Variants in CENPE observed in about 807,000 individuals in gnomAD.
CENPE encodes centromere protein E.
Under a neutral mutation model 336.1 loss-of-function variants are expected in CENPE, and 145 were observed. The observed-to-expected ratio is 0.43, with a 90% CI of 0.38 to 0.50. The LOEUF (loss-of-function observed/expected upper bound fraction) is 0.50, where lower values mean the gene tolerates loss of function less well. Among genes scored for constraint, CENPE ranks in the 20% least tolerant of loss-of-function variants. CENPE has a pLI of 0.00. For synonymous variants in CENPE, 1,013 were observed against 984.8 expected (o/e 1.03, Z -0.54); for missense variants, 2,719 against 3,023.3 (o/e 0.90, Z 2.36).
At chr4:103,120,542 G>T (rs1463216019) in intron 43 of CENPE, among the ~76,000 whole-genome samples, 1 of 152,118 alleles carries the variant, frequency 6.6e-6, no homozygotes, top group Non-Finnish European at 1.5e-5. Flanking sequence ...AATGTCAAAG[G>T]TTTATATTAT....
chr4:103,183,120 A>G (rs1756465051), intron 10 of CENPE, 81 bp downstream of exon 10: 4 of 1,035,462 alleles, frequency 3.9e-6, no homozygotes, highest in Non-Finnish European at 5.8e-6. Context: ...AGTACATTTG[A>G]GTGTCATCGA....
At chr4:103,142,393 A>G (rs147239074) in intron 34 of CENPE, among the ~76,000 whole-genome samples, 24 of 152,364 alleles carry the variant, frequency 1.6e-4, no homozygotes, top group Non-Finnish European at 2.1e-4. Flanking sequence ...TCTTGCCAAC[A>G]GTAGTACTTG....
intron 46 of CENPE, among the ~76,000 whole-genome samples, chr4:103,113,449 C>CATATTACTTATATATAATATATAACTTAT (rs1749764114): frequency 7.2e-6 from 1 of 138,136 alleles, no homozygotes; most frequent in Non-Finnish European, 1.5e-5. Flanking sequence ...ATATTACTTA[C>CATATTACTTATATATAATATATAACTTAT]ATATTACTTA....
chr4:103,185,762 TA>T, intron 9 of CENPE, 47 bp downstream of exon 9: 1 of 1,359,432 alleles, frequency 7.4e-7, no homozygotes, highest in Non-Finnish European at 1.0e-6. Context: ...TTTAAACCTG[TA>T]AAATAGGAAG....
In CENPE at chr4:103,174,868, A is replaced by G; in HGVS notation, c.1515T>C (p.Ala505=). The G allele has an allele frequency of 6.6e-7, 1 of 1,509,784 alleles. No individual in the cohort carries two copies. The allele number at this position is 1,509,784 out of a possible 1,614,324, so 93.5% of individuals were successfully genotyped here. A position where few individuals can be genotyped will look rare whatever the true frequency, so the allele number is the denominator to read the frequency against. Reference sequence around the variant, plus strand: ...AGTCTAATACCAGATTATCATAGTCAGCACGAAGTGAGTTCAACTCACTTT... The same window carrying G: ...AGTCTAATACCAGATTATCATAGTCGGCACGAAGTGAGTTCAACTCACTTT... ...NIESELNSLR[A]DYDNLVLDYE... The change falls in exon 16 of 49, where the codon GCT becomes GCC. Residue 505 remains alanine (A), a synonymous_variant. Coordinates refer to ENST00000265148, the MANE Select transcript of CENPE (RefSeq NM_001813.3).
chr4:103,198,067 C>T (rs1757874352), intron 1 of CENPE, among the ~76,000 whole-genome samples, 197 bp downstream of exon 1: 1 of 152,246 alleles, frequency 6.6e-6, no homozygotes, highest in Non-Finnish European at 1.5e-5. Flanking sequence ...AAGTGAATCT[C>T]GCAGCTGGAA....
At chr4:103,147,073 T>C (rs1753116635) in intron 29 of CENPE, among the ~76,000 whole-genome samples, 1 of 152,214 alleles carries the variant, frequency 6.6e-6, no homozygotes, top group Non-Finnish European at 1.5e-5. Context: ...CAATCTCATA[T>C]TTGGTTTCAC....
intron 5 of CENPE, 102 bp downstream of exon 5, chr4:103,195,012 T>G: frequency 9.6e-7 from 1 of 1,045,910 alleles, no homozygotes; most frequent in Non-Finnish European, 1.3e-6. Flanking sequence ...ACTATAGAAA[T>G]AGGAGACACT....
chr4:103,155,590 G>A (rs1354186408), intron 24 of CENPE, among the ~76,000 whole-genome samples: 1 of 152,176 alleles, frequency 6.6e-6, no homozygotes, highest in Admixed American at 6.5e-5. Context: ...TAGGATTACA[G>A]GCATAAGCCA....
chr4:103,122,726 C>A, intron 43 of CENPE, 145 bp downstream of exon 43: 1 of 618,344 alleles, frequency 1.6e-6, no homozygotes. Flanking sequence ...GAACGATAGC[C>A]ATAGTAGAAC....
At chr4:103,157,783 C>T (rs1754082099) in intron 24 of CENPE, among the ~76,000 whole-genome samples, 1 of 151,800 alleles carries the variant, frequency 6.6e-6, no homozygotes, top group African/African-American at 2.4e-5. Flanking sequence ...CTATTCCAAG[C>T]TATATATTTA....
intron 25 of CENPE, 54 bp from the exon 26 acceptor site, chr4:103,151,431 A>G (rs556097948): frequency 8.0e-5 from 105 of 1,307,228 alleles, no homozygotes; most frequent in Middle Eastern, 5.8e-4. Flanking sequence ...ACATTTATGA[A>G]ATCAGGTAAA....
At position 103,149,110 on chromosome 4, in the gene CENPE, T is replaced by C. The variant is rs1229898509; in HGVS notation, c.3687+8A>G. 3.8e-6 allele frequency: 6 copies of C among 1,584,144 alleles called. No individual in the cohort carries two copies. In the Admixed American group the frequency reaches 9.4e-5, roughly 25 times the overall value. Reference sequence around the variant, plus strand: ...ACTTAATAGATGAAGGAAAAGGGTATAACTTACTGTAGCTTCAATTTCTCT... The same window carrying C: ...ACTTAATAGATGAAGGAAAAGGGTACAACTTACTGTAGCTTCAATTTCTCT... On this transcript the variant is annotated splice_region_variant and intron_variant, in intron 27 of 48. Coordinates refer to ENST00000265148, the MANE Select transcript of CENPE (RefSeq NM_001813.3).
chr4:103,180,542 G>T, intron 12 of CENPE, 73 bp from the exon 13 acceptor site: 1 of 945,482 alleles, frequency 1.1e-6, no homozygotes, highest in Non-Finnish European at 1.5e-6. Flanking sequence ...TAGCATAAAA[G>T]AATAAAATAT....
chr4:103,175,217 C>T lies in CENPE; in HGVS notation c.1480-314G>A, dbSNP rs376428812. 3.9e-5 allele frequency among the ~76,000 whole-genome samples: 6 copies of T among 152,016 alleles called. 1 individual carries two copies. The South Asian group carries it at 1.2e-3, about 31-fold the overall frequency. On this transcript the variant is annotated intron_variant, in intron 15 of 48. Coordinates refer to ENST00000265148, the MANE Select transcript of CENPE (RefSeq NM_001813.3). Reference sequence around the variant, plus strand: ...CTCTTATTTTATGTCTCAGATGGTTCTGAATTCAAGAATGGAAACAGAGAT... The same window carrying T: ...CTCTTATTTTATGTCTCAGATGGTTTTGAATTCAAGAATGGAAACAGAGAT...
chr4:103,113,646 TTATAC>T (rs549963008), intron 46 of CENPE, among the ~76,000 whole-genome samples: 305 of 145,568 alleles, frequency 2.1e-3, no homozygotes, highest in African/African-American at 7.2e-3. Context: ...TATTATACAC[TTATAC>T]TATATATACT....
intron 42 of CENPE, among the ~76,000 whole-genome samples, chr4:103,131,893 A>G (rs906639728): frequency 6.6e-6 from 1 of 152,220 alleles, no homozygotes; most frequent in Non-Finnish European, 1.5e-5. Context: ...ATTCTGGAAA[A>G]GGGGCTACTA....
chr4:103,160,430 A>G (rs1183316512), intron 21 of CENPE, among the ~76,000 whole-genome samples, 195 bp downstream of exon 21: 1 of 152,004 alleles, frequency 6.6e-6, no homozygotes, highest in East Asian at 1.9e-4. Flanking sequence ...TTGAAAAAAT[A>G]TATTTTTTAA....
intron 39 of CENPE, among the ~76,000 whole-genome samples, chr4:103,137,990 C>G (rs1170361511): frequency 6.6e-6 from 1 of 152,120 alleles, no homozygotes; most frequent in Admixed American, 6.5e-5. Flanking sequence ...AGCAGCTTGC[C>G]CTCTTTTCGA....
Sources: gnomAD v4.1 joint callset for allele counts (sites outside exome capture counted in the v4.1 genomes callset) on GRCh38, gnomAD v4.1.1 for gene constraint, MANE v1.5 for transcripts, NCBI Gene and HGNC (gene_info 2026-07-23, HGNC 2026-07-21) for gene names.